BCAS1: variants seen among roughly 807,000 people sequenced by gnomAD.
The protein encoded by BCAS1 is brain enriched myelin associated protein 1, also known as breast carcinoma-amplified sequence 1.
Under a neutral mutation model 65.4 loss-of-function variants are expected in BCAS1, and 46 were observed. That is an observed-to-expected ratio of 0.70 (90% CI 0.55 to 0.90). The LOEUF is 0.90. Ranked by LOEUF, BCAS1 falls within the 40% of genes least tolerant of loss-of-function variation. BCAS1 has a pLI of 0.00. For synonymous variants in BCAS1, 298 were observed against 293.5 expected (o/e 1.02, Z -0.16); for missense variants, 793 against 771.2 (o/e 1.03, Z -0.33).
chr20:53,992,891 C>T (rs1276875131), intron 6 of BCAS1, among the ~76,000 whole-genome samples: 1 of 151,996 alleles, frequency 6.6e-6, no homozygotes, highest in African/African-American at 2.4e-5. Context: ...CACCTCAAAG[C>T]AAGACAGAAC....
chr20:54,051,103 A>G (rs576571920), intron 3 of BCAS1, among the ~76,000 whole-genome samples: 37 of 152,292 alleles, frequency 2.4e-4, no homozygotes, highest in Admixed American at 7.2e-4. Flanking sequence ...TGATTGTTGC[A>G]TATTAATAGG....
rs757394101 is a variant in BCAS1, at chr20:54,028,897, G to A, written c.218C>T (p.Ala73Val). ...SPETTEISAV[A>V]DANGKNLGKE... is the part of the protein sequence containing the mutation. Reference sequence around the variant, plus strand: ...CCCAAGATTCTTTCCGTTGGCATCCGCAACAGCACTTATCTCCGTTGTCTC... The same window carrying A: ...CCCAAGATTCTTTCCGTTGGCATCCACAACAGCACTTATCTCCGTTGTCTC... The change falls in exon 4 of 13, where the codon GCG becomes GTG. Residue 73 changes from alanine to valine, a missense_variant. Transcript: ENST00000688948. The A allele has an allele frequency of 8.1e-6, 13 of 1,613,976 alleles. No homozygotes were observed. The highest frequency in any genetic ancestry group is 1.6e-4 in the Middle Eastern group (1 of 6,062).
At chr20:54,001,238 T>C (rs1311656361) in intron 4 of BCAS1, among the ~76,000 whole-genome samples, 5 of 152,230 alleles carry the variant, frequency 3.3e-5, no homozygotes, top group African/African-American at 9.7e-5. Flanking sequence ...ACCAACACCA[T>C]CTTGCCTTTA....
chr20:54,066,307 C>T (rs6022942), intron 1 of BCAS1, among the ~76,000 whole-genome samples: 4,533 of 152,004 alleles, frequency 0.03, 225 homozygotes, highest in African/African-American at 0.096. Context: ...CTCCTGACCT[C>T]GTGATCCGCC....
At chr20:53,996,167 C>T (rs1235250558) in intron 4 of BCAS1, 117 bp from the exon 5 acceptor site, 1 of 1,063,284 alleles carries the variant, frequency 9.4e-7, no homozygotes, top group Non-Finnish European at 1.3e-6. Context: ...CTTCTTCTGC[C>T]CACAGGCGTG....
chr20:53,990,690 C>A (rs1386355483), intron 7 of BCAS1, among the ~76,000 whole-genome samples: 4 of 152,002 alleles, frequency 2.6e-5, no homozygotes, highest in Non-Finnish European at 5.9e-5. Flanking sequence ...TTAGAGACAA[C>A]AGAAATAATC....
At chr20:54,031,268 A>C (rs1450885236) in intron 3 of BCAS1, among the ~76,000 whole-genome samples, 7 of 151,442 alleles carry the variant, frequency 4.6e-5, no homozygotes, top group African/African-American at 1.7e-4. Flanking sequence ...AAAAAGAATA[A>C]ATTCCTTACA....
intron 8 of BCAS1, among the ~76,000 whole-genome samples, chr20:53,982,415 A>T (rs1170534770): frequency 6.6e-6 from 1 of 152,236 alleles, no homozygotes; most frequent in African/African-American, 2.4e-5. Context: ...TTATAATAAT[A>T]ACTACTCTAG....
chr20:54,054,059 A>G lies in BCAS1; in HGVS notation c.142+4026T>C, dbSNP rs142409532. Among the ~76,000 whole-genome samples, 886 of 152,358 alleles carry G rather than the reference A, an allele frequency of 5.8e-3. 5 individuals are homozygous for G. Among genetic ancestry groups the G allele is most frequent in the South Asian group, 0.029 (138 of 4,822 alleles). On this transcript the variant is annotated intron_variant, in intron 3 of 12. Coordinates refer to ENST00000688948, the MANE Select transcript of BCAS1 (RefSeq NM_001366298.2). ...GCAAAGGGATGTCTTACATGGCAGC[A>G]GGCAAGAGAGCATATGCAGTGGAAC...
At chr20:53,969,771 C>T (rs1014815333) in intron 9 of BCAS1, among the ~76,000 whole-genome samples, 1 of 152,190 alleles carries the variant, frequency 6.6e-6, no homozygotes, top group Non-Finnish European at 1.5e-5. Context: ...CCAGATATCA[C>T]ATCCTCAATC....
At chr20:54,026,888 G>T (rs562714965) in intron 4 of BCAS1, among the ~76,000 whole-genome samples, 5 of 152,314 alleles carry the variant, frequency 3.3e-5, no homozygotes, top group Admixed American at 3.3e-4. Context: ...TTGGCATCTT[G>T]CATTGCAATT....
chr20:54,032,271 A>C (rs978110086), intron 3 of BCAS1, among the ~76,000 whole-genome samples: 1 of 151,302 alleles, frequency 6.6e-6, no homozygotes, highest in Non-Finnish European at 1.5e-5. Flanking sequence ...ATTTTCAGAC[A>C]AGCAAATGCT....
chr20:53,985,581 A>C (rs2090596811), intron 7 of BCAS1, 82 bp from the exon 8 acceptor site: 5 of 1,284,246 alleles, frequency 3.9e-6, no homozygotes, highest in Non-Finnish European at 5.6e-6. Flanking sequence ...TTTAATAAAC[A>C]TGGGCTGAGG....
chr20:54,018,556 T>C (rs2091489717), intron 4 of BCAS1, among the ~76,000 whole-genome samples: 1 of 152,152 alleles, frequency 6.6e-6, no homozygotes, highest in African/African-American at 2.4e-5. Context: ...CAGGATGGTC[T>C]CGATCTCCTG....
chr20:53,988,189 T>C (rs1446107506), intron 7 of BCAS1, among the ~76,000 whole-genome samples: 1 of 152,190 alleles, frequency 6.6e-6, no homozygotes, highest in East Asian at 1.9e-4. Flanking sequence ...GCTCAAGGGT[T>C]CCCTTTGATG....
At chr20:53,974,062 A>C (rs1194331108) in intron 9 of BCAS1, among the ~76,000 whole-genome samples, 2 of 152,202 alleles carry the variant, frequency 1.3e-5, no homozygotes, top group East Asian at 3.8e-4. Context: ...GCACTCTGTA[A>C]AAACACACCA....
intron 4 of BCAS1, among the ~76,000 whole-genome samples, chr20:54,006,388 G>A (rs1405049821): frequency 1.3e-5 from 2 of 152,138 alleles, no homozygotes; most frequent in Admixed American, 6.5e-5. Flanking sequence ...TGGGATGAAT[G>A]TTATAATGAA....
chr20:53,983,010 T>TA (rs2090520329), intron 8 of BCAS1, among the ~76,000 whole-genome samples: 1 of 152,204 alleles, frequency 6.6e-6, no homozygotes, highest in African/African-American at 2.4e-5. Context: ...AATGATATAC[T>TA]AAATAAAGCT....
chr20:54,047,132 T>C (rs1053305827), intron 3 of BCAS1, among the ~76,000 whole-genome samples: 25 of 152,200 alleles, frequency 1.6e-4, no homozygotes, highest in Admixed American at 1.3e-3. Flanking sequence ...ACCTCTCTCT[T>C]GCCTCATGGC....
Sources: allele counts gnomAD v4.1 joint callset (sites outside exome capture counted in the v4.1 genomes callset), GRCh38; gene constraint gnomAD v4.1.1; transcripts MANE v1.5; gene names NCBI Gene and HGNC (gene_info 2026-07-23, HGNC 2026-07-21).